Variants in C1QTNF3 observed in about 807,000 individuals in gnomAD.
C1QTNF3 encodes complement C1q tumor necrosis factor-related protein 3.
Under a neutral mutation model 32.6 loss-of-function variants are expected in C1QTNF3, and 26 were observed. The ratio of observed to expected loss-of-function variants is 0.80; its 90% CI spans 0.58 to 1.11. C1QTNF3 has a LOEUF of 1.11. C1QTNF3 is among the 50% of genes least tolerant of loss of function. C1QTNF3 has a pLI of 0.00. For missense variants in C1QTNF3, 362 were observed against 398.2 expected (o/e 0.91, Z 0.77); for synonymous variants, 155 against 146.0 (o/e 1.06, Z -0.44).
chr5:34,217,945 A>G, the C1QTNF3 span, among the ~76,000 whole-genome samples: 3 of 151,980 alleles, frequency 2.0e-5, no homozygotes, highest in East Asian at 1.9e-4. Flanking sequence ...AATAATACAC[A>G]CTATGGCTAA....
chr5:34,115,717 C>T, the C1QTNF3 span, among the ~76,000 whole-genome samples: 2 of 144,756 alleles, frequency 1.4e-5, no homozygotes, highest in African/African-American at 2.6e-5. Flanking sequence ...GGTGACAGAG[C>T]GAGACTCTGT....
chr5:34,155,435 T>G, the C1QTNF3 span, among the ~76,000 whole-genome samples: 1 of 152,246 alleles, frequency 6.6e-6, no homozygotes, highest in African/African-American at 2.4e-5. Flanking sequence ...TAAATTGGAT[T>G]ACCCCACTGG....
At chr5:34,124,829 G>A in the C1QTNF3 span, among the ~76,000 whole-genome samples, 2 of 152,180 alleles carry the variant, frequency 1.3e-5, no homozygotes, top group Non-Finnish European at 2.9e-5. Context: ...GAAATGAGAA[G>A]TTCTTCTACA....
At chr5:34,198,187 A>G in the C1QTNF3 span, among the ~76,000 whole-genome samples, 19 of 145,830 alleles carry the variant, frequency 1.3e-4, no homozygotes, top group African/African-American at 4.6e-4. Context: ...CGTTGCAGTG[A>G]GCTGACATGG....
the C1QTNF3 span, among the ~76,000 whole-genome samples, chr5:34,161,063 GGAGT>G: frequency 6.6e-6 from 1 of 152,112 alleles, no homozygotes; most frequent in Admixed American, 6.5e-5. Context: ...CCAATTCTCT[GGAGT>G]GAGCTGACAT....
the C1QTNF3 span, among the ~76,000 whole-genome samples, chr5:34,196,660 A>ATTTTTT: frequency 7.3e-4 from 103 of 141,016 alleles, no homozygotes; most frequent in African/African-American, 2.6e-3. Context: ...TTAATTTTTA[A>ATTTTTT]TTTTTTTTTT....
At chr5:34,061,635 C>T in the C1QTNF3 span, among the ~76,000 whole-genome samples, 1 of 152,222 alleles carries the variant, frequency 6.6e-6, no homozygotes, top group Non-Finnish European at 1.5e-5. Flanking sequence ...AGTTTTGAGG[C>T]TTGCACCCTC....
chr5:34,226,656 C>T, the C1QTNF3 span, among the ~76,000 whole-genome samples: 2 of 151,524 alleles, frequency 1.3e-5, no homozygotes, highest in African/African-American at 4.8e-5. Flanking sequence ...CTAACCCCTC[C>T]CCACCACCCC....
At chr5:34,024,207 G>A (rs1231093523) in intron 4 of C1QTNF3, 199 bp from the exon 5 acceptor site, 1 of 528,714 alleles carries the variant, frequency 1.9e-6, no homozygotes, top group Non-Finnish European at 3.4e-6. Flanking sequence ...TGTACACTGT[G>A]TATCCCGAAT....
the C1QTNF3 span, among the ~76,000 whole-genome samples, chr5:34,139,447 C>T: frequency 1.3e-5 from 2 of 152,064 alleles, no homozygotes; most frequent in Non-Finnish European, 2.9e-5. Flanking sequence ...CCCTAAATTA[C>T]TCTTGAGATC....
the C1QTNF3 span, among the ~76,000 whole-genome samples, chr5:34,195,698 G>A: frequency 4.6e-5 from 7 of 152,330 alleles, no homozygotes; most frequent in African/African-American, 9.6e-5. Context: ...AAAATTAGCC[G>A]GGCGCAGTGG....
the C1QTNF3 span, among the ~76,000 whole-genome samples, chr5:34,212,013 G>C: frequency 3.3e-5 from 5 of 152,136 alleles, no homozygotes; most frequent in East Asian, 5.8e-4. Context: ...ATACTACAAG[G>C]CTACAGTAAC....
the C1QTNF3 span, among the ~76,000 whole-genome samples, chr5:34,048,428 T>C: frequency 6.6e-6 from 1 of 152,072 alleles, no homozygotes; most frequent in Admixed American, 6.6e-5. Context: ...GAGAATTTAC[T>C]ATAAGAAATT....
the C1QTNF3 span, among the ~76,000 whole-genome samples, chr5:34,196,761 G>A: frequency 7.2e-6 from 1 of 138,638 alleles, no homozygotes; most frequent in East Asian, 2.1e-4. Flanking sequence ...CCAGGTTCAC[G>A]CCATTCTCCT....
the C1QTNF3 span, among the ~76,000 whole-genome samples, chr5:34,229,965 A>G: frequency 1.3e-5 from 2 of 152,124 alleles, no homozygotes; most frequent in African/African-American, 4.8e-5. Flanking sequence ...TTCTCTCTCC[A>G]TAAACATGTA....
chr5:34,160,943 C>T, the C1QTNF3 span, among the ~76,000 whole-genome samples: 4 of 151,846 alleles, frequency 2.6e-5, no homozygotes, highest in African/African-American at 9.7e-5. Flanking sequence ...CAGAAAAATA[C>T]TGCTTATTTT....
chr5:34,056,940 T>C, the C1QTNF3 span, among the ~76,000 whole-genome samples: 2 of 152,190 alleles, frequency 1.3e-5, no homozygotes, highest in Admixed American at 1.3e-4. Flanking sequence ...AACCTACTAA[T>C]GCCATCAGCA....
chr5:34,040,531 C>T (rs552428806), intron 1 of C1QTNF3, among the ~76,000 whole-genome samples: 21 of 152,088 alleles, frequency 1.4e-4, no homozygotes, highest in Non-Finnish European at 2.4e-4. Flanking sequence ...AAAAAGAGCC[C>T]AGGTCTGCCC....
At chr5:34,072,359 T>G in the C1QTNF3 span, among the ~76,000 whole-genome samples, 2 of 60,752 alleles carry the variant, frequency 3.3e-5, no homozygotes, top group Admixed American at 1.8e-4. Context: ...TAGCAGAAAA[T>G]TAAAAAAGAA....
Sources: gnomAD v4.1 joint callset for allele counts (sites outside exome capture counted in the v4.1 genomes callset) on GRCh38, gnomAD v4.1.1 for gene constraint, MANE v1.5 for transcripts, NCBI Gene and HGNC (gene_info 2026-07-23, HGNC 2026-07-21) for gene names.